Variants in SLC25A48 observed in about 807,000 individuals in gnomAD.
SLC25A48 encodes solute carrier family 25 member 48, also known as CTC-321K16.1.
In SLC25A48, 29 loss-of-function variants were observed where a neutral mutation model predicts 32.2. The observed-to-expected ratio is 0.90, with a 90% CI of 0.67 to 1.23. The LOEUF (loss-of-function observed/expected upper bound fraction) is 1.23. Ranked by LOEUF, SLC25A48 falls within the 50% of genes most tolerant of loss-of-function variation. SLC25A48 has a pLI of 0.00. For synonymous variants in SLC25A48, 164 were observed against 172.3 expected, an observed-to-expected ratio of 0.95 and a Z score of 0.38; for missense variants, 399 against 422.7, an observed-to-expected ratio of 0.94 and a Z score of 0.49.
intron 4 of SLC25A48, among the ~76,000 whole-genome samples, chr5:135,818,079 C>G (rs980656475): frequency 8.8e-6 from 1 of 113,422 alleles, no homozygotes; most frequent in Non-Finnish European, 1.9e-5. Flanking sequence ...CTCTCTCTCT[C>G]TCTCTCTCTC....
At chr5:135,711,130 C>T (rs1030620649) in intron 3 of SLC25A48, among the ~76,000 whole-genome samples, 1 of 152,158 alleles carries the variant, frequency 6.6e-6, no homozygotes, top group African/African-American at 2.4e-5. Context: ...CAAGAGTTGC[C>T]TGACCAGAAA....
chr5:135,772,668 G>T (rs1028499437), intron 3 of SLC25A48, among the ~76,000 whole-genome samples: 15 of 151,136 alleles, frequency 9.9e-5, no homozygotes, highest in African/African-American at 1.5e-4. Context: ...ATCGCCAAGG[G>T]TGTACACCTC....
intron 1 of SLC25A48, among the ~76,000 whole-genome samples, chr5:135,624,812 C>T (rs375582947): frequency 6.8e-4 from 104 of 152,242 alleles, no homozygotes; most frequent in African/African-American, 2.3e-3. Context: ...CTGGATCAGA[C>T]GATGGAGAAG....
chr5:135,691,670 G>C (rs964291218), intron 3 of SLC25A48, among the ~76,000 whole-genome samples: 4 of 152,190 alleles, frequency 2.6e-5, no homozygotes, highest in Non-Finnish European at 4.4e-5. Flanking sequence ...CTTTTTGCAA[G>C]ATTCCTTATT....
At chr5:135,820,106 T>G (rs1007843973) in intron 4 of SLC25A48, among the ~76,000 whole-genome samples, 1 of 152,120 alleles carries the variant, frequency 6.6e-6, no homozygotes, top group Non-Finnish European at 1.5e-5. Context: ...CTATACCCAC[T>G]CAAAGACTTG....
chr5:135,803,425 G>T (rs530043184), intron 3 of SLC25A48, among the ~76,000 whole-genome samples: 1 of 151,666 alleles, frequency 6.6e-6, no homozygotes, highest in Non-Finnish European at 1.5e-5. Context: ...ATCACTGTGG[G>T]TGTACACCCT....
intron 3 of SLC25A48, among the ~76,000 whole-genome samples, chr5:135,677,348 G>A (rs1238491570): frequency 2.0e-5 from 3 of 149,764 alleles, no homozygotes; most frequent in Non-Finnish European, 3.0e-5. Flanking sequence ...TATGTTTTTT[G>A]TAGGTAGCAT....
intron 3 of SLC25A48, among the ~76,000 whole-genome samples, chr5:135,796,615 G>A (rs1454712049): frequency 1.3e-5 from 2 of 151,270 alleles, no homozygotes; most frequent in Non-Finnish European, 3.0e-5. Context: ...CAAGAAGTGT[G>A]TTATGGTTCG....
At chr5:135,755,563 G>C (rs555542647) in intron 3 of SLC25A48, among the ~76,000 whole-genome samples, 5 of 151,752 alleles carry the variant, frequency 3.3e-5, no homozygotes, top group African/African-American at 1.2e-4. Flanking sequence ...ACACACTATG[G>C]TGTTAATGAA....
intron 3 of SLC25A48, among the ~76,000 whole-genome samples, chr5:135,664,586 A>T (rs1000852946): frequency 2.6e-5 from 4 of 152,032 alleles, no homozygotes; most frequent in African/African-American, 4.8e-5. Flanking sequence ...CCTCACCCCC[A>T]ACTTCCCCCT....
intron 4 of SLC25A48, among the ~76,000 whole-genome samples, chr5:135,823,869 T>C (rs1032502649): frequency 8.5e-5 from 13 of 152,166 alleles, no homozygotes; most frequent in African/African-American, 3.1e-4. Flanking sequence ...GGCAGGAGGA[T>C]GCTTGGCAAG....
intron 3 of SLC25A48, among the ~76,000 whole-genome samples, chr5:135,799,354 A>G (rs1757264555): frequency 6.6e-6 from 1 of 151,556 alleles, no homozygotes; most frequent in African/African-American, 2.4e-5. Flanking sequence ...AAAGAAGATG[A>G]TATTACTCCC....
At chr5:135,646,831 G>A (rs1288710392) in intron 3 of SLC25A48, among the ~76,000 whole-genome samples, 2 of 151,326 alleles carry the variant, frequency 1.3e-5, no homozygotes, top group Admixed American at 6.6e-5. Context: ...GGGGGAAATG[G>A]GAAGATGTTG....
At chr5:135,643,741 G>C (rs977254242) in intron 3 of SLC25A48, among the ~76,000 whole-genome samples, 1 of 152,112 alleles carries the variant, frequency 6.6e-6, no homozygotes, top group Non-Finnish European at 1.5e-5. Flanking sequence ...AGTGAGCAGC[G>C]ACCCCGTTAA....
At chr5:135,740,251 T>G (rs1212183634) in intron 3 of SLC25A48, among the ~76,000 whole-genome samples, 2 of 152,038 alleles carry the variant, frequency 1.3e-5, no homozygotes, top group Non-Finnish European at 1.5e-5. Context: ...TGGAGTGCAG[T>G]GGGGTGATCT....
At chr5:135,808,098 A>G (rs1383450474) in intron 3 of SLC25A48, among the ~76,000 whole-genome samples, 2 of 151,110 alleles carry the variant, frequency 1.3e-5, no homozygotes, top group Non-Finnish European at 3.0e-5. Flanking sequence ...AATATCATAG[A>G]TATTTTATTA....
At chr5:135,804,995 C>A (rs1406937726) in intron 3 of SLC25A48, among the ~76,000 whole-genome samples, 2 of 151,304 alleles carry the variant, frequency 1.3e-5, no homozygotes, top group African/African-American at 4.9e-5. Flanking sequence ...AGATATTACT[C>A]CTAATATCAC....
chr5:135,631,717 G>C (rs1227782129), intron 2 of SLC25A48, among the ~76,000 whole-genome samples: 1 of 152,188 alleles, frequency 6.6e-6, no homozygotes, highest in Admixed American at 6.5e-5. Flanking sequence ...GAGTGGAACA[G>C]GGCTACTCCA....
At chr5:135,584,576 GTTATAT>G (rs1751318658) in intron 1 of SLC25A48, among the ~76,000 whole-genome samples, 1 of 152,222 alleles carries the variant, frequency 6.6e-6, no homozygotes, top group African/African-American at 2.4e-5. Context: ...ATTTGGGGAA[GTTATAT>G]TTATAGTATG....
Sources: allele counts gnomAD v4.1 joint callset (sites outside exome capture counted in the v4.1 genomes callset), GRCh38; gene constraint gnomAD v4.1.1; transcripts MANE v1.5; gene names NCBI Gene and HGNC (gene_info 2026-07-23, HGNC 2026-07-21).